Variants in PTPRM observed in about 807,000 individuals in gnomAD.
PTPRM encodes receptor-type tyrosine-protein phosphatase mu.
A neutral mutation model predicts 186.7 loss-of-function variants in PTPRM; 47 were observed. The ratio of observed to expected loss-of-function variants is 0.25; its 90% confidence interval spans 0.20 to 0.32. The LOEUF is 0.32. Among genes scored for constraint, PTPRM ranks in the 10% least tolerant of loss-of-function variants. The pLI, the probability that PTPRM is intolerant of heterozygous loss-of-function variation, is 1.00. For missense variants in PTPRM, 1,494 were observed against 1,865.0 expected, an observed-to-expected ratio of 0.80 and a Z score of 3.66; for synonymous variants, 668 against 674.9, an observed-to-expected ratio of 0.99 and a Z score of 0.16.
chr18:7,907,800 T>A (rs2050067977), intron 4 of PTPRM, among the ~76,000 whole-genome samples: 1 of 151,884 alleles, frequency 6.6e-6, no homozygotes. Context: ...TTTCCCATAA[T>A]CCCCAAGGGT....
rs573924270 is a variant in PTPRM at position 7,854,050 on chromosome 18, A to T, written c.197-34056A>T. Reference sequence around the variant, plus strand: ...GCCATTTGTTAGAATGCATTTCAGGATTTCCCCCTGAAGTTTCACAAAACA... The same window carrying T: ...GCCATTTGTTAGAATGCATTTCAGGTTTTCCCCCTGAAGTTTCACAAAACA... On this transcript the variant is annotated intron_variant, in intron 2 of 32. Coordinates refer to ENST00000580170, the MANE Select transcript of PTPRM (RefSeq NM_001105244.2). Among the ~76,000 whole-genome samples the T allele has an allele frequency of 3.4e-4, 52 of 152,304 alleles. No homozygotes were observed. In the South Asian group the frequency reaches 0.011, roughly 31 times the overall value.
chr18:7,731,082 C>A (rs2040649519), intron 1 of PTPRM, among the ~76,000 whole-genome samples: 1 of 152,128 alleles, frequency 6.6e-6, no homozygotes, highest in South Asian at 2.1e-4. Context: ...TAACTGTACT[C>A]CAGAGTGAAT....
At chr18:7,669,604 G>C (rs2039172378) in intron 1 of PTPRM, among the ~76,000 whole-genome samples, 2 of 152,180 alleles carry the variant, frequency 1.3e-5, no homozygotes, top group South Asian at 4.1e-4. Context: ...CAGGGATAAG[G>C]CTAAAGGCAA....
intron 1 of PTPRM, among the ~76,000 whole-genome samples, chr18:7,617,627 C>G (rs923372207): frequency 1.3e-5 from 2 of 152,062 alleles, no homozygotes; most frequent in African/African-American, 4.8e-5. Context: ...AATCCTTAAT[C>G]AAAAAACTTA....
At chr18:8,115,820 C>T (rs1480758302) in intron 13 of PTPRM, among the ~76,000 whole-genome samples, 1 of 152,166 alleles carries the variant, frequency 6.6e-6, no homozygotes, top group Non-Finnish European at 1.5e-5. Context: ...TCAAAATTCT[C>T]ACTGAATTCT....
intron 14 of PTPRM, among the ~76,000 whole-genome samples, chr18:8,212,263 G>T (rs1448640575): frequency 6.6e-6 from 1 of 152,154 alleles, no homozygotes; most frequent in Non-Finnish European, 1.5e-5. Context: ...GGAATGGGCA[G>T]GTCCAAGGAG....
chr18:7,982,790 A>G, intron 7 of PTPRM, among the ~76,000 whole-genome samples: 1 of 152,122 alleles, frequency 6.6e-6, no homozygotes, highest in Non-Finnish European at 1.5e-5. Flanking sequence ...CAGCTCCAGC[A>G]TACTCCTATG....
intron 7 of PTPRM, among the ~76,000 whole-genome samples, chr18:8,046,861 C>T (rs1404879338): frequency 6.6e-6 from 1 of 152,128 alleles, no homozygotes; most frequent in East Asian, 1.9e-4. Context: ...GGACCTCCAA[C>T]TCAAAGCTAA....
intron 1 of PTPRM, among the ~76,000 whole-genome samples, chr18:7,694,679 G>A (rs986596223): frequency 2.6e-5 from 4 of 151,828 alleles, no homozygotes; most frequent in Non-Finnish European, 4.4e-5. Context: ...CACACACCTC[G>A]GCCTCCCAAA....
Position 8,042,597 on chromosome 18 carries a change from A to G in PTPRM, c.1133-27089A>G, listed in dbSNP as rs677916. Among the ~76,000 whole-genome samples the G allele has an allele frequency of 2.7e-3, 412 of 152,186 alleles. 1 individual carries two copies. The highest frequency in any genetic ancestry group is 9.5e-3 in the African/African-American group (395 of 41,542). On this transcript the variant is annotated intron_variant, in intron 7 of 32. Coordinates refer to ENST00000580170, the MANE Select transcript of PTPRM (RefSeq NM_001105244.2). ...GCCATCTATGTTGCTGGCTTGAACA[A>G]TCACATAACCTCTGACTCCTTCTCC... is the stretch of plus-strand genomic sequence containing the variant.
At chr18:8,307,811 A>AAAAAAT (rs2095237789) in intron 20 of PTPRM, among the ~76,000 whole-genome samples, 1 of 151,580 alleles carries the variant, frequency 6.6e-6, no homozygotes, top group Non-Finnish European at 1.5e-5. Context: ...TCTCAAAAAA[A>AAAAAAT]AAAAATAAAA....
rs532753831 is a variant in PTPRM, at chr18:8,113,645, T to C, written c.2016T>C (p.Ala672=). 1 of 1,614,132 alleles carries C rather than the reference T, an allele frequency of 6.2e-7. No homozygotes were observed. The highest frequency in any genetic ancestry group is 2.2e-5 in the East Asian group (1 of 44,878). ...AATTTCCTGCAGACAGCCTCCAAGCTGCGCAGCCTTTTACAATTGGTGATA... is the reference window on the plus strand; with the variant it reads ...AATTTCCTGCAGACAGCCTCCAAGCCGCGCAGCCTTTTACAATTGGTGATA... ...AAEFPADSLQ[A]AQPFTIGDNK... The change falls in exon 12 of 33, where the codon GCT becomes GCC. Residue 672 remains alanine, a synonymous_variant. Transcript: ENST00000580170.
chr18:7,823,663 G>A (rs1188454385), intron 2 of PTPRM, among the ~76,000 whole-genome samples: 1 of 152,162 alleles, frequency 6.6e-6, no homozygotes, highest in African/African-American at 2.4e-5. Flanking sequence ...TCTTTCTCCC[G>A]TGCTGGAAGC....
intron 14 of PTPRM, among the ~76,000 whole-genome samples, chr18:8,243,102 A>T (rs908376648): frequency 1.3e-5 from 2 of 152,180 alleles, no homozygotes; most frequent in Non-Finnish European, 1.5e-5. Context: ...TGGTAGCAAG[A>T]TCTATAAAAA....
At chr18:8,323,890 G>C (rs190105193) in intron 22 of PTPRM, among the ~76,000 whole-genome samples, 1 of 151,996 alleles carries the variant, frequency 6.6e-6, no homozygotes, top group Non-Finnish European at 1.5e-5. Context: ...TATCAAGATC[G>C]TTTCCCCAGA....
At chr18:8,054,201 T>C (rs147120492) in intron 7 of PTPRM, among the ~76,000 whole-genome samples, 2 of 150,956 alleles carry the variant, frequency 1.3e-5, no homozygotes, top group East Asian at 3.9e-4. Flanking sequence ...GATGTTGATT[T>C]TACCTTTAAT....
chr18:7,824,883 T>C (rs919930233), intron 2 of PTPRM, among the ~76,000 whole-genome samples: 3 of 152,188 alleles, frequency 2.0e-5, no homozygotes, highest in Non-Finnish European at 4.4e-5. Context: ...CTACTCAACA[T>C]GGTGTCAGCT....
intron 7 of PTPRM, among the ~76,000 whole-genome samples, chr18:7,957,951 A>G (rs1021573453): frequency 1.6e-4 from 24 of 152,238 alleles, no homozygotes; most frequent in Non-Finnish European, 3.2e-4. Flanking sequence ...ATTCTGCAGC[A>G]ATAAGTGGAA....
At chr18:8,057,503 G>A (rs2088101238) in intron 7 of PTPRM, among the ~76,000 whole-genome samples, 2 of 128,442 alleles carry the variant, frequency 1.6e-5, no homozygotes, top group South Asian at 4.9e-4. Context: ...TGCACATTGT[G>A]CAGGTTAGTT....
Sources: gnomAD v4.1 joint callset for allele counts (sites outside exome capture counted in the v4.1 genomes callset) on GRCh38, gnomAD v4.1.1 for gene constraint, MANE v1.5 for transcripts, NCBI Gene and HGNC (gene_info 2026-07-23, HGNC 2026-07-21) for gene names.